Variants in AGMO observed in about 807,000 individuals in gnomAD.
AGMO encodes glyceryl-ether monooxygenase.
In AGMO, 75 loss-of-function variants were observed where a neutral mutation model predicts 60.2. The observed-to-expected ratio is 1.25, with a 90% CI of 1.03 to 1.51. The LOEUF is 1.51. Among genes scored for constraint, AGMO ranks in the 40% most tolerant of loss-of-function variants. The pLI, the probability that AGMO is intolerant of heterozygous loss-of-function variation, is 0.00. For synonymous variants in AGMO, 261 were observed against 177.1 expected (o/e 1.47, Z -3.76); for missense variants, 763 against 525.5 (o/e 1.45, Z -4.42).
intron 5 of AGMO, among the ~76,000 whole-genome samples, chr7:15,401,189 G>A (rs1784544184): frequency 6.6e-6 from 1 of 151,520 alleles, no homozygotes; most frequent in Admixed American, 6.6e-5. Context: ...CATTTAAATT[G>A]AAAAATACTT....
At chr7:15,418,041 G>GT (rs1232269037) in intron 5 of AGMO, among the ~76,000 whole-genome samples, 3 of 151,836 alleles carry the variant, frequency 2.0e-5, no homozygotes, top group Middle Eastern at 3.4e-3. Context: ...ATTTCTTCAG[G>GT]TTTTTTTGGA....
At chr7:15,557,176 C>G (rs1029830240) in intron 2 of AGMO, among the ~76,000 whole-genome samples, 6 of 151,994 alleles carry the variant, frequency 3.9e-5, no homozygotes, top group African/African-American at 1.4e-4. Context: ...AGTCTGCACA[C>G]AACATTTCTA....
At chr7:15,138,017 C>T in the AGMO span, among the ~76,000 whole-genome samples, 5 of 152,264 alleles carry the variant, frequency 3.3e-5, no homozygotes, top group Middle Eastern at 3.4e-3. Flanking sequence ...CCCTCAAAGG[C>T]TATTATCCTC....
intron 12 of AGMO, among the ~76,000 whole-genome samples, chr7:15,303,905 A>C (rs969960623): frequency 6.6e-6 from 1 of 152,142 alleles, no homozygotes; most frequent in Admixed American, 6.6e-5. Flanking sequence ...ATAATCTCTT[A>C]AACTTTTATC....
the AGMO span, among the ~76,000 whole-genome samples, chr7:15,146,504 A>C: frequency 1.3e-5 from 2 of 152,090 alleles, no homozygotes; most frequent in East Asian, 1.9e-4. Flanking sequence ...AGACAAAGGA[A>C]GCAATCAGCT....
intron 5 of AGMO, among the ~76,000 whole-genome samples, chr7:15,412,055 T>C (rs898577535): frequency 6.6e-6 from 1 of 152,182 alleles, no homozygotes. Context: ...TTTGCTGCTA[T>C]AGAGTAAAAT....
intron 3 of AGMO, among the ~76,000 whole-genome samples, chr7:15,441,953 T>C (rs886296942): frequency 6.6e-6 from 1 of 152,214 alleles, no homozygotes; most frequent in Admixed American, 6.5e-5. Context: ...TCTTTGCTAC[T>C]AATCAGGACT....
chr7:15,299,830 TACACACACACACACACACAC>T (rs756832586), intron 12 of AGMO, among the ~76,000 whole-genome samples: 22 of 48,192 alleles, frequency 4.6e-4, no homozygotes, highest in Middle Eastern at 0.017. Context: ...TCTGTCTACA[TACACACACACACACACACAC>T]ACACACACAC....
At chr7:15,386,193 G>A (rs75300350) in intron 9 of AGMO, among the ~76,000 whole-genome samples, 31 of 69,868 alleles carry the variant, frequency 4.4e-4, no homozygotes, top group African/African-American at 2.0e-3. Context: ...GAAAAGAAAA[G>A]AAAAAAAAGG....
At chr7:15,453,457 C>A (rs961558570) in intron 3 of AGMO, among the ~76,000 whole-genome samples, 15 of 152,080 alleles carry the variant, frequency 9.9e-5, no homozygotes, top group Admixed American at 9.8e-4. Flanking sequence ...AACAGAACAC[C>A]GTACAAGTCA....
At chr7:15,395,274 G>T (rs1784325746) in intron 5 of AGMO, among the ~76,000 whole-genome samples, 1 of 152,102 alleles carries the variant, frequency 6.6e-6, no homozygotes, top group Admixed American at 6.6e-5. Flanking sequence ...AATAGTCACT[G>T]ACAATTATGA....
chr7:15,423,596 C>T (rs1780982471), intron 4 of AGMO, among the ~76,000 whole-genome samples: 1 of 152,180 alleles, frequency 6.6e-6, no homozygotes, highest in African/African-American at 2.4e-5. Flanking sequence ...TTGGAAATAG[C>T]ATCTTTATAG....
intron 12 of AGMO, among the ~76,000 whole-genome samples, chr7:15,322,932 ATG>A (rs1226133811): frequency 3.5e-5 from 5 of 143,202 alleles, no homozygotes; most frequent in Admixed American, 7.5e-5. Context: ...GTGTTTACAT[ATG>A]TGTGTGTGTG....
intron 10 of AGMO, among the ~76,000 whole-genome samples, chr7:15,375,025 C>T (rs1483944636): frequency 1.3e-5 from 2 of 152,060 alleles, no homozygotes; most frequent in Non-Finnish European, 2.9e-5. Flanking sequence ...TCTCATGATT[C>T]ACTGGACATT....
intron 3 of AGMO, among the ~76,000 whole-genome samples, chr7:15,530,658 T>C (rs1387763997): frequency 1.4e-5 from 2 of 140,050 alleles, no homozygotes; most frequent in Non-Finnish European, 3.1e-5. Context: ...ATATTCTATA[T>C]ACGTATTTCT....
chr7:15,407,323 T>A (rs113420646), intron 5 of AGMO, among the ~76,000 whole-genome samples: 1 of 149,430 alleles, frequency 6.7e-6, no homozygotes, highest in African/African-American at 2.4e-5. Context: ...AGCAATGGGG[T>A]GATGAATTAT....
rs901871872 is a variant in AGMO, at chr7:15,263,477, TAA to T, written c.1264-62120_1264-62119del. Among the ~76,000 whole-genome samples, 4 of 152,158 alleles carry T rather than the reference TAA, an allele frequency of 2.6e-5. No individual in the cohort carries two copies. In the East Asian group the frequency reaches 7.7e-4, roughly 29 times the overall value. On this transcript the variant is annotated intron_variant, in intron 12 of 12. Coordinates refer to ENST00000342526, the MANE Select transcript of AGMO (RefSeq NM_001004320.2). ...CACTTTTATACTGTTGGTGGGAATG[TAA>T]AATAGTAAAACCACTCTGGAAAACA...
At chr7:15,417,581 T>C (rs947546360) in intron 5 of AGMO, among the ~76,000 whole-genome samples, 7 of 152,194 alleles carry the variant, frequency 4.6e-5, no homozygotes, top group Non-Finnish European at 8.8e-5. Flanking sequence ...TTTCAGATGG[T>C]TGTGGTATTG....
At chr7:15,543,819 A>T (rs1362685960) in intron 3 of AGMO, among the ~76,000 whole-genome samples, 1 of 151,614 alleles carries the variant, frequency 6.6e-6, no homozygotes, top group Non-Finnish European at 1.5e-5. Context: ...TTGATCTGGC[A>T]ATTCCAGTGG....
Sources: gnomAD v4.1 joint callset for allele counts (sites outside exome capture counted in the v4.1 genomes callset) on GRCh38, gnomAD v4.1.1 for gene constraint, MANE v1.5 for transcripts, NCBI Gene and HGNC (gene_info 2026-07-23, HGNC 2026-07-21) for gene names.